Variants in MTUS2 observed in about 807,000 individuals in gnomAD.
The protein encoded by MTUS2 is microtubule-associated tumor suppressor candidate 2.
Under a neutral mutation model 114.1 loss-of-function variants are expected in MTUS2, and 40 were observed. That is an observed-to-expected ratio of 0.35 (90% confidence interval 0.27 to 0.46). The LOEUF is 0.46. Ranked by LOEUF, MTUS2 falls within the 20% of genes least tolerant of loss-of-function variation. The pLI, the probability that MTUS2 is intolerant of heterozygous loss-of-function variation, is 1.00. For missense variants in MTUS2, 1,679 were observed against 1,705.4 expected (o/e 0.98, Z 0.27); for synonymous variants, 688 against 672.0 (o/e 1.02, Z -0.37).
chr13:29,245,066 C>A (rs1052332536), intron 5 of MTUS2, among the ~76,000 whole-genome samples: 2 of 151,080 alleles, frequency 1.3e-5, no homozygotes, highest in Non-Finnish European at 2.9e-5. Flanking sequence ...TGAAAACATC[C>A]TATAAAGGGT....
intron 5 of MTUS2, among the ~76,000 whole-genome samples, chr13:29,162,241 A>C (rs1893128754): frequency 6.6e-6 from 1 of 152,200 alleles, no homozygotes. Context: ...CCCTGGATTC[A>C]AATATGGTCA....
At chr13:29,389,420 T>G (rs1872983703) in intron 8 of MTUS2, among the ~76,000 whole-genome samples, 1 of 127,270 alleles carries the variant, frequency 7.9e-6, no homozygotes, top group Non-Finnish European at 1.7e-5. Flanking sequence ...CGTGTGTGTG[T>G]ATGTATACAC....
chr13:28,828,578 CTTTACAA>C (rs956335307), intron 1 of MTUS2, among the ~76,000 whole-genome samples: 2 of 152,092 alleles, frequency 1.3e-5, no homozygotes, highest in African/African-American at 2.4e-5. Flanking sequence ...TCCATGAAAT[CTTTACAA>C]TTTATGTTCT....
chr13:28,986,622 T>C (rs1205643105), intron 2 of MTUS2, among the ~76,000 whole-genome samples: 1 of 152,176 alleles, frequency 6.6e-6, no homozygotes, highest in Admixed American at 6.5e-5. Flanking sequence ...GGCATCAAGT[T>C]TGGCTGAGAT....
At chr13:29,431,677 A>T (rs985809427) in intron 8 of MTUS2, among the ~76,000 whole-genome samples, 10 of 152,182 alleles carry the variant, frequency 6.6e-5, no homozygotes, top group Admixed American at 3.9e-4. Context: ...AAAGAGAAGG[A>T]ATGTATTCCA....
At chr13:29,376,276 A>C (rs905242890) in intron 8 of MTUS2, among the ~76,000 whole-genome samples, 2 of 152,168 alleles carry the variant, frequency 1.3e-5, no homozygotes, top group Non-Finnish European at 2.9e-5. Context: ...TAATGACTAC[A>C]TGTGGAGAGG....
At chr13:28,960,055 A>G (rs1883252600) in intron 2 of MTUS2, among the ~76,000 whole-genome samples, 1 of 152,374 alleles carries the variant, frequency 6.6e-6, no homozygotes, top group South Asian at 2.1e-4. Flanking sequence ...AGATACCGAT[A>G]TTGAGGTGAC....
chr13:29,203,766 G>T (rs1371570785), intron 5 of MTUS2, among the ~76,000 whole-genome samples: 1 of 148,658 alleles, frequency 6.7e-6, no homozygotes, highest in East Asian at 2.0e-4. Flanking sequence ...GCTTCCCTTG[G>T]CTAGGGGAGG....
At chr13:28,867,068 T>C (rs1003046347) in intron 2 of MTUS2, among the ~76,000 whole-genome samples, 2 of 152,164 alleles carry the variant, frequency 1.3e-5, no homozygotes, top group African/African-American at 4.8e-5. Flanking sequence ...TAAATCATAC[T>C]TACCCTATTT....
At chr13:29,202,855 T>C (rs1230306668) in intron 5 of MTUS2, among the ~76,000 whole-genome samples, 2 of 152,150 alleles carry the variant, frequency 1.3e-5, no homozygotes, top group Non-Finnish European at 2.9e-5. Flanking sequence ...ACAGCAAAGA[T>C]TGCTGCCTGT....
intron 5 of MTUS2, among the ~76,000 whole-genome samples, chr13:29,243,765 G>A (rs1896812359): frequency 6.6e-6 from 1 of 152,150 alleles, no homozygotes; most frequent in Non-Finnish European, 1.5e-5. Flanking sequence ...GAAAGCAGTT[G>A]GGGGGATGCC....
At chr13:29,497,198 G>C (rs774381874) in intron 12 of MTUS2, 40 bp from the exon 13 acceptor site, 15 of 1,569,878 alleles carry the variant, frequency 9.6e-6, no homozygotes, top group Non-Finnish European at 1.1e-5. Flanking sequence ...GCTGCTGTCT[G>C]TAGTGGCCCC....
chr13:29,163,145 A>G (rs1893171885), intron 5 of MTUS2, among the ~76,000 whole-genome samples: 1 of 152,230 alleles, frequency 6.6e-6, no homozygotes, highest in African/African-American at 2.4e-5. Flanking sequence ...CTCAGTAATC[A>G]AGATAAATAA....
chr13:28,932,463 A>G (rs1322644554), intron 2 of MTUS2, among the ~76,000 whole-genome samples: 1 of 152,176 alleles, frequency 6.6e-6, no homozygotes, highest in Non-Finnish European at 1.5e-5. Context: ...ACCCCACGGT[A>G]CTGAGAGACA....
intron 6 of MTUS2, among the ~76,000 whole-genome samples, chr13:29,307,974 A>G (rs1174880073): frequency 2.0e-5 from 3 of 152,210 alleles, no homozygotes; most frequent in Non-Finnish European, 4.4e-5. Flanking sequence ...CCCTGTGCTC[A>G]GTCAAAAAAA....
rs372573546 is a variant in MTUS2 at position 29,026,615 on chromosome 13, T to C, written c.1917T>C (p.His639=). The C allele has an allele frequency of 6.8e-6, 11 of 1,613,928 alleles. No individual in the cohort carries two copies. The highest frequency in any genetic ancestry group is 1.1e-5 in the South Asian group (1 of 91,074). Reference sequence around the variant, plus strand: ...CCATCATTATGCCCAAGCCCAAGCATGTGAGGCCCAAGATCATCACCTACA... The same window carrying C: ...CCATCATTATGCCCAAGCCCAAGCACGTGAGGCCCAAGATCATCACCTACA... ...TKPIIMPKPK[H]VRPKIITYIR... is the part of the protein sequence containing the mutation. The change falls in exon 3 of 16, where the codon CAT becomes CAC. Residue 639 remains histidine, a synonymous_variant. Transcript: ENST00000612955.
intron 4 of MTUS2, among the ~76,000 whole-genome samples, chr13:29,082,799 G>T (rs527320547): frequency 6.6e-6 from 1 of 152,216 alleles, no homozygotes; most frequent in South Asian, 2.1e-4. Flanking sequence ...GTATACAGCA[G>T]GGCCAAGGGG....
At chr13:29,459,992 C>A (rs568951971) in intron 9 of MTUS2, among the ~76,000 whole-genome samples, 1 of 152,320 alleles carries the variant, frequency 6.6e-6, no homozygotes, top group African/African-American at 2.4e-5. Flanking sequence ...CCTCCCTGGG[C>A]CATTCCGCAG....
chr13:29,498,539 T>C lies in MTUS2; in HGVS notation c.3798+2T>C. On this transcript the variant is annotated splice_donor_variant, in intron 14 of 15. Coordinates refer to ENST00000612955, the MANE Select transcript of MTUS2 (RefSeq NM_001033602.4). LOFTEE classifies it high-confidence loss of function. ...AAGATTCTTGAGCTGGAAAAGCTGG[T>C]GAGTTGGTCTGTTTGCTCGGGAGAG... 2 of 1,614,058 alleles carry C rather than the reference T, an allele frequency of 1.2e-6. No homozygotes were observed. Among genetic ancestry groups the C allele is most frequent in the Non-Finnish European group, 1.7e-6 (2 of 1,179,952 alleles).
Sources: gnomAD v4.1 joint callset for allele counts (sites outside exome capture counted in the v4.1 genomes callset) on GRCh38, gnomAD v4.1.1 for gene constraint, MANE v1.5 for transcripts, NCBI Gene and HGNC (gene_info 2026-07-23, HGNC 2026-07-21) for gene names.